Variants in CLIC5 observed in about 807,000 individuals in gnomAD.
CLIC5 encodes the protein CLIC family member 5, also known as chloride intracellular channel protein 5.
Under a neutral mutation model 24.7 loss-of-function variants are expected in CLIC5, and 20 were observed. That is an observed-to-expected ratio of 0.81 (90% CI 0.57 to 1.18). CLIC5 has a LOEUF of 1.18. CLIC5 is among the 50% of genes most tolerant of loss of function. The pLI is 0.00. For synonymous variants in CLIC5, 159 were observed against 135.6 expected, an observed-to-expected ratio of 1.17 and a Z score of -1.20; for missense variants, 341 against 326.1, an observed-to-expected ratio of 1.05 and a Z score of -0.35.
intron 3 of CLIC5, among the ~76,000 whole-genome samples, chr6:45,948,298 T>C (rs543444004): frequency 6.6e-6 from 1 of 152,314 alleles, no homozygotes; most frequent in African/African-American, 2.4e-5. Flanking sequence ...CTCCCCCGAT[T>C]TTCCTGCCCT....
chr6:46,111,086 C>A, the CLIC5 span, among the ~76,000 whole-genome samples: 1 of 151,888 alleles, frequency 6.6e-6, no homozygotes, highest in Admixed American at 6.6e-5. Context: ...TTGGGCTGAA[C>A]CCTTAATTCT....
At chr6:46,028,937 G>A (rs921388674) in intron 1 of CLIC5, among the ~76,000 whole-genome samples, 9 of 151,968 alleles carry the variant, frequency 5.9e-5, no homozygotes, top group Admixed American at 2.6e-4. Flanking sequence ...TATTTTCACC[G>A]CCCTAAATAT....
At chr6:46,099,746 T>G in the CLIC5 span, among the ~76,000 whole-genome samples, 4 of 152,304 alleles carry the variant, frequency 2.6e-5, no homozygotes, top group South Asian at 8.3e-4. Flanking sequence ...ACCTATTTAA[T>G]TAAGGGTGGA....
chr6:45,899,492 A>T lies in CLIC5; in HGVS notation c.*3596T>A, dbSNP rs1343126762. The T allele has an allele frequency of 6.6e-6, 1 of 152,242 alleles. No individual in the cohort carries two copies. The highest frequency in any genetic ancestry group is 1.5e-5 in the Non-Finnish European group (1 of 68,054). 9.4% of individuals were successfully genotyped at this position (152,242 alleles called of 1,614,324 possible). A position where few individuals can be genotyped will look rare whatever the true frequency, so the allele number is the denominator to read the frequency against. ...TCTAGTTTAATTTAATTTTAGACACACACTCTCACAGTGATGCTAAACTCT... is the reference window on the plus strand; with the variant it reads ...TCTAGTTTAATTTAATTTTAGACACTCACTCTCACAGTGATGCTAAACTCT... On this transcript the variant is annotated 3_prime_UTR_variant, in exon 6 of 6. Transcript: ENST00000339561.
chr6:46,080,804 C>T (rs781511659), upstream of CLIC5, among the ~76,000 whole-genome samples: 18 of 152,146 alleles, frequency 1.2e-4, no homozygotes, highest in Non-Finnish European at 2.2e-4. Context: ...GTAATGAATT[C>T]CATTTACATT....
chr6:45,920,670 GC>G (rs1763222192), intron 4 of CLIC5: 1 of 980,074 alleles, frequency 1.0e-6, no homozygotes, highest in Non-Finnish European at 1.2e-6. Flanking sequence ...GGAAGAAGAA[GC>G]CTTTCTTTCC....
chr6:46,066,229 G>A (rs989273829), intron 1 of CLIC5, among the ~76,000 whole-genome samples: 1 of 152,104 alleles, frequency 6.6e-6, no homozygotes, highest in Non-Finnish European at 1.5e-5. Flanking sequence ...TGTCAGCTGG[G>A]TTCCAAAACC....
chr6:45,948,440 C>T (rs16874019), intron 3 of CLIC5, among the ~76,000 whole-genome samples: 8,941 of 152,260 alleles, frequency 0.059, 385 homozygotes, highest in South Asian at 0.14. Context: ...GGTCTTAAAA[C>T]GGACTCCCCA....
the CLIC5 span, among the ~76,000 whole-genome samples, chr6:46,111,089 T>A: frequency 2.0e-5 from 3 of 152,288 alleles, no homozygotes; most frequent in East Asian, 5.8e-4. Context: ...GGCTGAACCC[T>A]TAATTCTTTC....
chr6:45,915,221 C>T (rs1250827022), intron 4 of CLIC5, among the ~76,000 whole-genome samples: 2 of 152,082 alleles, frequency 1.3e-5, no homozygotes, highest in Non-Finnish European at 2.9e-5. Flanking sequence ...AGCCACCATG[C>T]CTGGCCAATA....
At chr6:46,036,052 G>T (rs1019807623) in intron 1 of CLIC5, among the ~76,000 whole-genome samples, 15 of 151,408 alleles carry the variant, frequency 9.9e-5, no homozygotes, top group Admixed American at 8.5e-4. Flanking sequence ...GCCCAGAGTT[G>T]GTTTTTAATG....
intron 1 of CLIC5, among the ~76,000 whole-genome samples, chr6:46,057,083 C>G (rs1768280475): frequency 6.6e-6 from 1 of 152,200 alleles, no homozygotes; most frequent in Non-Finnish European, 1.5e-5. Flanking sequence ...GATTCAGACG[C>G]TTATCATCTC....
At chr6:45,965,042 G>T (rs192510654) in intron 1 of CLIC5, among the ~76,000 whole-genome samples, 49 of 152,290 alleles carry the variant, frequency 3.2e-4, no homozygotes, top group African/African-American at 1.1e-3. Flanking sequence ...CCTTGATGAA[G>T]AGTCAATAGA....
chr6:46,056,959 A>G (rs1768277237), intron 1 of CLIC5, among the ~76,000 whole-genome samples: 1 of 152,222 alleles, frequency 6.6e-6, no homozygotes, highest in Non-Finnish European at 1.5e-5. Flanking sequence ...TTCTGCTGTC[A>G]CAATCCACAT....
At chr6:45,948,828 G>A (rs142175816) in intron 3 of CLIC5, among the ~76,000 whole-genome samples, 32 of 152,224 alleles carry the variant, frequency 2.1e-4, no homozygotes, top group African/African-American at 7.0e-4. Flanking sequence ...GACCCTGGAT[G>A]TTGTTTTAAG....
chr6:46,124,673 C>T, the CLIC5 span, among the ~76,000 whole-genome samples: 12 of 152,276 alleles, frequency 7.9e-5, no homozygotes, highest in Non-Finnish European at 1.8e-4. Context: ...TTGCAATCTA[C>T]TCATCTGACA....
intron 1 of CLIC5, among the ~76,000 whole-genome samples, chr6:46,033,487 C>T (rs1441202639): frequency 3.3e-5 from 5 of 152,274 alleles, no homozygotes; most frequent in Admixed American, 6.5e-5. Flanking sequence ...TGATAACCTC[C>T]GTGGGCTCAT....
At chr6:45,963,847 T>C (rs1356291185) in intron 1 of CLIC5, among the ~76,000 whole-genome samples, 1 of 152,214 alleles carries the variant, frequency 6.6e-6, no homozygotes, top group Non-Finnish European at 1.5e-5. Flanking sequence ...GGTTTTCTTA[T>C]AAGTCAGACA....
intron 5 of CLIC5, chr6:45,912,524 A>G (rs939930922): frequency 7.3e-7 from 1 of 1,368,984 alleles, no homozygotes; most frequent in African/African-American, 1.5e-5. Context: ...GGAAAGAAGA[A>G]AGGAAAAGAA....
Sources: allele counts gnomAD v4.1 joint callset (sites outside exome capture counted in the v4.1 genomes callset), GRCh38; gene constraint gnomAD v4.1.1; transcripts MANE v1.5; gene names NCBI Gene and HGNC (gene_info 2026-07-23, HGNC 2026-07-21).